Variants in MTMR1 observed in about 807,000 individuals in gnomAD.
MTMR1 encodes the protein myotubularin related protein 1, also known as phosphatidylinositol-3-phosphate phosphatase MTMR1.
In MTMR1, 17 loss-of-function variants were observed where a neutral mutation model predicts 51.6. That is an observed-to-expected ratio of 0.33 (90% CI 0.23 to 0.49). The LOEUF (loss-of-function observed/expected upper bound fraction) is 0.49, where lower values mean the gene tolerates loss of function less well. Among genes scored for constraint, MTMR1 ranks in the 20% least tolerant of loss-of-function variants. The probability of loss-of-function intolerance (pLI) is 0.99; values close to 1 mark genes in which losing one functional copy is unlikely to be tolerated. For synonymous variants in MTMR1, 201 were observed against 205.6 expected (o/e 0.98, Z 0.19); for missense variants, 386 against 526.9 (o/e 0.73, Z 2.62).
chrX:150,701,101 G>A (rs1183930190), intron 2 of MTMR1, among the ~76,000 whole-genome samples: 1 of 112,245 alleles, frequency 8.9e-6, no homozygotes, highest in African/African-American at 3.2e-5. Flanking sequence ...TTGTAAGGGG[G>A]CATGTTTTAT....
At position 150,760,018 on chromosome X, in the gene MTMR1, G is replaced by T. The variant is rs781971538; in HGVS notation, c.1858-2547G>T. Among the ~76,000 whole-genome samples, 24 of 109,719 alleles carry T rather than the reference G, an allele frequency of 2.2e-4. 1 individual carries two copies. In the South Asian group the frequency reaches 8.9e-3, roughly 41 times the overall value. ...GAGCCTCACGGGGACCTCACAGGGG[G>T]TTGCTGAGCAGGAAGTGAATCCATT... On this transcript the variant is annotated intron_variant, in intron 15 of 15. Transcript: ENST00000445323.
chrX:150,747,347 C>T (rs893284082), intron 13 of MTMR1, among the ~76,000 whole-genome samples: 5 of 110,643 alleles, frequency 4.5e-5, no homozygotes, highest in Non-Finnish European at 9.5e-5. Context: ...CCCAGTTACT[C>T]GGGCGGCTGA....
upstream of MTMR1, chrX:150,693,133 G>GTC (rs1220591807): frequency 1.8e-5 from 2 of 112,523 alleles, no homozygotes; most frequent in Middle Eastern, 8.4e-3. Context: ...CGTCTCTGCA[G>GTC]TCAACCCGGT....
At chrX:150,726,536 C>T (rs1459598164) in intron 4 of MTMR1, among the ~76,000 whole-genome samples, 3 of 111,888 alleles carry the variant, frequency 2.7e-5, no homozygotes, top group Middle Eastern at 4.6e-3. Flanking sequence ...GGTTCAATGA[C>T]GTTAATGCCT....
At chrX:150,717,273 T>G (rs1272437277) in intron 3 of MTMR1, among the ~76,000 whole-genome samples, 2 of 100,670 alleles carry the variant, frequency 2.0e-5, no homozygotes, top group African/African-American at 7.5e-5. Flanking sequence ...GCAGGAGAAT[T>G]GCTTGAACCC....
chrX:150,706,603 G>T (rs782055195), intron 2 of MTMR1, among the ~76,000 whole-genome samples: 1 of 112,018 alleles, frequency 8.9e-6, no homozygotes, highest in Admixed American at 9.5e-5. Context: ...ATTGATTAAA[G>T]AAATCAAAGA....
chrX:150,717,529 G>C lies in MTMR1; in HGVS notation c.277-1096G>C, dbSNP rs782140976. Among the ~76,000 whole-genome samples, 3 of 110,641 alleles carry C rather than the reference G, an allele frequency of 2.7e-5. No individual in the cohort carries two copies. In the East Asian group the frequency reaches 8.5e-4, roughly 31 times the overall value. On this transcript the variant is annotated intron_variant, in intron 3 of 15. Coordinates refer to ENST00000445323, the MANE Select transcript of MTMR1 (RefSeq NM_001306144.3). ...CAGCTTTGGAATTGCTGGGGGTTCT[G>C]ATCACCTTATTCTTATTCATGACAC... is the stretch of plus-strand genomic sequence containing the variant.
At chrX:150,749,662 A>G (rs1170266401) in intron 13 of MTMR1, among the ~76,000 whole-genome samples, 1 of 112,207 alleles carries the variant, frequency 8.9e-6, no homozygotes, top group Non-Finnish European at 1.9e-5. Flanking sequence ...AACAATCAAG[A>G]CGATCTGTGG....
chrX:150,740,025 A>C (rs969752459), intron 12 of MTMR1, among the ~76,000 whole-genome samples: 19 of 111,328 alleles, frequency 1.7e-4, no homozygotes, highest in African/African-American at 6.2e-4. Flanking sequence ...GGAACTTTCC[A>C]ATTGTTCTTC....
chrX:150,740,737 A>G lies in MTMR1; in HGVS notation c.1473+3289A>G, dbSNP rs184902115. Among the ~76,000 whole-genome samples the G allele has an allele frequency of 2.7e-5, 3 of 111,454 alleles. No homozygotes were observed. In the Admixed American group the frequency reaches 2.9e-4, roughly 11 times the overall value. ...GGCTCACGATTCTGCAGGCTGTACA[A>G]GAAGCATGGTGCCGGCATCTGCTTC... On this transcript the variant is annotated intron_variant, in intron 12 of 15. Coordinates refer to ENST00000445323, the MANE Select transcript of MTMR1 (RefSeq NM_001306144.3).
At chrX:150,756,186 G>A (rs1557417758) in intron 15 of MTMR1, among the ~76,000 whole-genome samples, 1 of 111,701 alleles carries the variant, frequency 9.0e-6, no homozygotes, top group Non-Finnish European at 1.9e-5. Context: ...GGGGGTTGGG[G>A]TGGCAGCCCT....
intron 15 of MTMR1, among the ~76,000 whole-genome samples, chrX:150,759,905 C>T (rs1348278298): frequency 9.2e-6 from 1 of 109,234 alleles, no homozygotes; most frequent in Non-Finnish European, 1.9e-5. Context: ...TCTTGCTGCC[C>T]AGTGCGTGTA....
chrX:150,732,118 G>A (rs1557417014), intron 9 of MTMR1, among the ~76,000 whole-genome samples: 1 of 111,239 alleles, frequency 9.0e-6, no homozygotes, highest in African/African-American at 3.3e-5. Context: ...TGAGAGGTGG[G>A]GTGGCAGAGT....
chrX:150,695,154 G>A (rs782189704), intron 1 of MTMR1, among the ~76,000 whole-genome samples: 93 of 112,288 alleles, frequency 8.3e-4, no homozygotes, highest in African/African-American at 2.9e-3. Context: ...TGTGAGCCAA[G>A]TGTTCCTAGA....
chrX:150,745,397 G>A (rs188274986), intron 13 of MTMR1, among the ~76,000 whole-genome samples: 12 of 111,744 alleles, frequency 1.1e-4, no homozygotes, highest in Non-Finnish European at 1.5e-4. Flanking sequence ...GGACACTGCC[G>A]GTGATCTGCG....
chrX:150,717,357 CAAAAAAA>C (rs35558897), intron 3 of MTMR1, among the ~76,000 whole-genome samples: 1 of 42,741 alleles, frequency 2.3e-5, no homozygotes, highest in African/African-American at 9.5e-5. Context: ...GACTCCATCT[CAAAAAAA>C]AAAAAAAAAA....
chrX:150,694,959 C>T (rs1557415692), intron 1 of MTMR1, among the ~76,000 whole-genome samples: 1 of 112,322 alleles, frequency 8.9e-6, no homozygotes, highest in Non-Finnish European at 1.9e-5. Context: ...CCAAAGGAGA[C>T]CAGAATGTGT....
chrX:150,761,866 A>G (rs2043143718), intron 15 of MTMR1, among the ~76,000 whole-genome samples: 1 of 112,367 alleles, frequency 8.9e-6, no homozygotes. Context: ...TGGATGTCCC[A>G]TATGCCCCGG....
chrX:150,709,537 G>T (rs2148572685), intron 2 of MTMR1, among the ~76,000 whole-genome samples: 1 of 112,282 alleles, frequency 8.9e-6, no homozygotes, highest in African/African-American at 3.2e-5. Context: ...TTGCTATAAA[G>T]AAATACCTGA....
Sources: gnomAD v4.1 joint callset for allele counts (sites outside exome capture counted in the v4.1 genomes callset) on GRCh38, gnomAD v4.1.1 for gene constraint, MANE v1.5 for transcripts, NCBI Gene and HGNC (gene_info 2026-07-23, HGNC 2026-07-21) for gene names.